Variants in MTCH1 observed in about 807,000 individuals in gnomAD.
The protein encoded by MTCH1 is mitochondrial carrier 1.
A neutral mutation model predicts 49.3 loss-of-function variants in MTCH1; 23 were observed. The ratio of observed to expected loss-of-function variants is 0.47; its 90% CI spans 0.34 to 0.66. The LOEUF (loss-of-function observed/expected upper bound fraction) is 0.66, where lower values mean the gene tolerates loss of function less well. MTCH1 is among the 30% of genes least tolerant of loss of function. MTCH1 has a pLI of 0.01. For missense variants in MTCH1, 397 were observed against 532.1 expected (o/e 0.75, Z 2.50); for synonymous variants, 229 against 215.2 (o/e 1.06, Z -0.56).
chr6:36,973,423 G>A (rs1246778935), intron 7 of MTCH1, among the ~76,000 whole-genome samples: 2 of 152,070 alleles, frequency 1.3e-5, no homozygotes, highest in Non-Finnish European at 2.9e-5. Flanking sequence ...AGTGCCCTGG[G>A]AGGCTCGCCA....
Position 36,977,580 on chromosome 6 carries a change from C to G in MTCH1, c.649+54G>C. Reference sequence around the variant, plus strand: ...AGTCCACGAGGGGGCGCCCCTCACCCCACGCCCCCGACGCCAGCTTAGATA... The same window carrying G: ...AGTCCACGAGGGGGCGCCCCTCACCGCACGCCCCCGACGCCAGCTTAGATA... On this transcript the variant is annotated intron_variant, in intron 5 of 11. Transcript: ENST00000373627. This position sits in a 1 kb window ranked among gnomAD's most constrained non-coding sequence, Gnocchi z 5.4. The G allele has an allele frequency of 7.5e-7, 1 of 1,325,980 alleles. No individual in the cohort carries two copies. The highest frequency in any genetic ancestry group is 1.3e-5 in the South Asian group (1 of 78,918). The allele number at this position is 1,325,980 out of a possible 1,614,324, so 82.1% of individuals were successfully genotyped here. A position where few individuals can be genotyped will look rare whatever the true frequency, so the allele number is the denominator to read the frequency against.
intron 2 of MTCH1, among the ~76,000 whole-genome samples, chr6:36,980,928 C>T (rs1184333936): frequency 6.6e-6 from 1 of 152,190 alleles, no homozygotes; most frequent in Non-Finnish European, 1.5e-5. Context: ...AGGTGGGCTT[C>T]TTGATGACAG....
intron 8 of MTCH1, among the ~76,000 whole-genome samples, chr6:36,971,967 C>T (rs1339828752): frequency 2.6e-5 from 4 of 152,214 alleles, no homozygotes; most frequent in Non-Finnish European, 5.9e-5. Flanking sequence ...AAGGACCAGG[C>T]CTTCCTATGC....
Position 36,985,950 on chromosome 6 carries a change from C to G in MTCH1, c.224G>C (p.Gly75Ala). Residue 75 changes from glycine (G) to alanine (A), a missense_variant, in exon 1 of 12, where the codon GGG becomes GCG. By Grantham distance (60) the Gly-to-Ala change is moderately conservative. This residue lies in a region of MTCH1 where 145 missense variants were observed against 143.8 expected (regional missense o/e 1.01). Transcript: ENST00000373627. ...AGCCTCAGTGGTCGGGGCGTTGTCC[C>G]CAGACCCCAGGCCCCCTGACCCGCC... ...MDGGSGGLGS[G>A]DNAPTTEALF... is the part of the protein sequence containing the mutation. 2 of 1,551,270 alleles carry G rather than the reference C, an allele frequency of 1.3e-6. No individual in the cohort carries two copies. Among genetic ancestry groups the G allele is most frequent in the Non-Finnish European group, 1.7e-6 (2 of 1,147,668 alleles).
At chr6:36,971,824 T>TGATC (rs1763697140) in intron 8 of MTCH1, among the ~76,000 whole-genome samples, 1 of 152,128 alleles carries the variant, frequency 6.6e-6, no homozygotes, top group Non-Finnish European at 1.5e-5. Context: ...TTCTTGAAGG[T>TGATC]GATCCCCACT....
Position 36,968,352 on chromosome 6 carries a change from A to G in MTCH1, c.*551T>C, listed in dbSNP as rs553218588. On this transcript the variant is annotated 3_prime_UTR_variant, in exon 12 of 12. Transcript: ENST00000373627. ...TGAGTAGTTGCATGATTTCCCATTC[A>G]GAGGCAGGTGCTGCCCTCATATCAG... is the stretch of plus-strand genomic sequence containing the variant. 4.1e-6 allele frequency: 1 copy of G among 242,014 alleles called. No homozygotes were observed. Among genetic ancestry groups the G allele is most frequent in the African/African-American group, 2.3e-5 (1 of 44,412 alleles). The allele number at this position is 242,014 out of a possible 1,614,324, so 15.0% of individuals were successfully genotyped here.
In MTCH1 at chr6:36,972,888, G is replaced by A. The variant is rs893118180; in HGVS notation, c.762-92C>T. 6 of 1,328,914 alleles carry A rather than the reference G, an allele frequency of 4.5e-6. No homozygotes were observed. Among genetic ancestry groups the A allele is most frequent in the Non-Finnish European group, 6.2e-6 (6 of 969,636 alleles). The allele number at this position is 1,328,914 out of a possible 1,614,324, so 82.3% of individuals were successfully genotyped here. ...CAGGAAGCAGGCAGGGATGTTCCGA[G>A]CTCAAAATCTTAGCATATCCAATGG... is the stretch of plus-strand genomic sequence containing the variant. On this transcript the variant is annotated intron_variant, in intron 7 of 11. Coordinates refer to ENST00000373627, the MANE Select transcript of MTCH1 (RefSeq NM_001271641.2). The surrounding 1 kb of genome is among the most constrained non-coding windows in gnomAD (Gnocchi z 4.1).
In MTCH1 at chr6:36,970,598, G is replaced by C. The variant is rs780815532; in HGVS notation, c.954+49C>G. 4.3e-6 allele frequency: 7 copies of C among 1,612,424 alleles called. No homozygotes were observed. The Admixed American group carries it at 1.2e-4, about 27-fold the overall frequency. ...TACCAGGGTTGGCCTCCTAGGCCCC[G>C]CTTGGGTCCGCAAGGCAGTGGGAAG... On this transcript the variant is annotated intron_variant, in intron 9 of 11. Coordinates refer to ENST00000373627, the MANE Select transcript of MTCH1 (RefSeq NM_001271641.2).
At chr6:36,971,615 A>G (rs980716163) in intron 8 of MTCH1, among the ~76,000 whole-genome samples, 7 of 152,070 alleles carry the variant, frequency 4.6e-5, no homozygotes, top group African/African-American at 1.4e-4. Flanking sequence ...TCACCTGCCC[A>G]GGTCAAGTGG....
Position 36,968,282 on chromosome 6 carries a change from G to T in MTCH1, c.*621C>A, listed in dbSNP as rs965604286. 5 of 185,594 alleles carry T rather than the reference G, an allele frequency of 2.7e-5. No individual in the cohort carries two copies. The highest frequency in any genetic ancestry group is 5.7e-5 in the Non-Finnish European group (5 of 87,786). The allele number at this position is 185,594 out of a possible 1,614,324, so 11.5% of individuals were successfully genotyped here. Reference sequence around the variant, plus strand: ...CAGGTAACCAGATCCTGTACGCGAGGCATCACCATTAAACAGATGAGCATT... The same window carrying T: ...CAGGTAACCAGATCCTGTACGCGAGTCATCACCATTAAACAGATGAGCATT... On this transcript the variant is annotated 3_prime_UTR_variant, in exon 12 of 12. Transcript: ENST00000373627.
chr6:36,968,535 TG>T lies in MTCH1; in HGVS notation c.*367del, dbSNP rs1763557576. ...GCTGCAGGATGGGCGCTGGGCTGAC[TG>T]GAGGGGTAGACGGGGTGGGGTCTGA... is the stretch of plus-strand genomic sequence containing the variant. On this transcript the variant is annotated 3_prime_UTR_variant, in exon 12 of 12. Coordinates refer to ENST00000373627, the MANE Select transcript of MTCH1 (RefSeq NM_001271641.2). The T allele has an allele frequency of 1.1e-5, 4 of 369,444 alleles. No individual in the cohort carries two copies. Among genetic ancestry groups the T allele is most frequent in the Admixed American group, 7.3e-5 (2 of 27,308 alleles). 22.9% of individuals were successfully genotyped at this position (369,444 alleles called of 1,614,324 possible). A position where few individuals can be genotyped will look rare whatever the true frequency, so the allele number is the denominator to read the frequency against.
intron 1 of MTCH1, among the ~76,000 whole-genome samples, chr6:36,983,964 C>G (rs906626432): frequency 1.3e-5 from 2 of 152,218 alleles, no homozygotes; most frequent in Non-Finnish European, 2.9e-5. Context: ...TGCCCACCAT[C>G]TAGTTCTTCT....
intron 1 of MTCH1, 77 bp downstream of exon 1, chr6:36,985,776 C>T: frequency 6.7e-7 from 1 of 1,494,044 alleles, no homozygotes; most frequent in Non-Finnish European, 9.0e-7. Context: ...ATTGACTGCC[C>T]GCCCCAATCC....
At chr6:36,969,240 G>A (rs1763586684) in intron 11 of MTCH1, 1 of 985,320 alleles carries the variant, frequency 1.0e-6, no homozygotes, top group Non-Finnish European at 1.2e-6. Context: ...TTGCTTCAGA[G>A]CCCAAGTGGT....
intron 8 of MTCH1, among the ~76,000 whole-genome samples, chr6:36,971,700 C>A (rs1763692717): frequency 6.6e-6 from 1 of 152,200 alleles, no homozygotes; most frequent in South Asian, 2.1e-4. Context: ...ATGTACCACA[C>A]ACACACACAT....
At chr6:36,985,731 C>T in intron 1 of MTCH1, 122 bp downstream of exon 1, 2 of 455,088 alleles carry the variant, frequency 4.4e-6, no homozygotes, top group Non-Finnish European at 7.6e-6. Context: ...CCCCCCAAAC[C>T]CGCCGTCCCC....
chr6:36,984,566 A>G (rs62406529), intron 1 of MTCH1, among the ~76,000 whole-genome samples: 7,021 of 152,100 alleles, frequency 0.046, 217 homozygotes, highest in Middle Eastern at 0.071. Context: ...CCTCAACTCA[A>G]ATCTTGGATG....
Position 36,986,075 on chromosome 6 carries a change from C to G in MTCH1, c.99G>C (p.Ala33=). 7.0e-7 allele frequency: 1 copy of G among 1,430,072 alleles called. No homozygotes were observed. Among genetic ancestry groups the G allele is most frequent in the Non-Finnish European group, 9.1e-7 (1 of 1,103,186 alleles). The allele number at this position is 1,430,072 out of a possible 1,614,324, so 88.6% of individuals were successfully genotyped here. A position where few individuals can be genotyped will look rare whatever the true frequency, so the allele number is the denominator to read the frequency against. The change falls in exon 1 of 12, where the codon GCG becomes GCC. Residue 33 remains alanine (A), a synonymous_variant. Coordinates refer to ENST00000373627, the MANE Select transcript of MTCH1 (RefSeq NM_001271641.2). ...CGCGAGCTCGAGCCTCGACCCCCGC[C>G]GCCGCTCCGCCGCGAGCTCCGGCTC... ...GAGAGARGGA[A]AGVEARARDP...
chr6:36,977,366 G>A lies in MTCH1; in HGVS notation c.650-116C>T, dbSNP rs550232141. 1.1e-5 allele frequency: 12 copies of A among 1,094,132 alleles called. No homozygotes were observed. The highest frequency in any genetic ancestry group is 9.1e-5 in the South Asian group (7 of 76,612). The allele number at this position is 1,094,132 out of a possible 1,614,324, so 67.8% of individuals were successfully genotyped here. A position where few individuals can be genotyped will look rare whatever the true frequency, so the allele number is the denominator to read the frequency against. Reference sequence around the variant, plus strand: ...CTGAACAACGTGGCCTATTCAGAGAGCAGGAGAGGAAGAGGGCCTTTCGGA... The same window carrying A: ...CTGAACAACGTGGCCTATTCAGAGAACAGGAGAGGAAGAGGGCCTTTCGGA... On this transcript the variant is annotated intron_variant, in intron 5 of 11. Coordinates refer to ENST00000373627, the MANE Select transcript of MTCH1 (RefSeq NM_001271641.2). The surrounding 1 kb of genome is among the most constrained non-coding windows in gnomAD (Gnocchi z 5.4).
Sources: allele counts gnomAD v4.1 joint callset (sites outside exome capture counted in the v4.1 genomes callset), GRCh38; gene constraint gnomAD v4.1.1; regional missense constraint gnomAD v4.1.1; non-coding constraint Gnocchi (gnomAD v3.1); transcripts MANE v1.5; gene names NCBI Gene and HGNC (gene_info 2026-07-23, HGNC 2026-07-21).